The following TAOK3 variants were observed in gnomAD, a reference collection of about 807,000 sequenced individuals.
TAOK3 encodes the protein TAO kinase 3, also known as serine/threonine-protein kinase TAO3.
Under a neutral mutation model 120.4 loss-of-function variants are expected in TAOK3, and 40 were observed. That is an observed-to-expected ratio of 0.33 (90% CI 0.26 to 0.43). The LOEUF (loss-of-function observed/expected upper bound fraction) is 0.43. TAOK3 is among the 20% of genes least tolerant of loss of function. The probability of loss-of-function intolerance (pLI) is 1.00; values close to 1 mark genes in which losing one functional copy is unlikely to be tolerated. For missense variants in TAOK3, 821 were observed against 1,112.1 expected, an observed-to-expected ratio of 0.74 and a Z score of 3.72; for synonymous variants, 355 against 387.5, an observed-to-expected ratio of 0.92 and a Z score of 0.99.
chr12:118,251,528 T>C (rs375194188), intron 3 of TAOK3, among the ~76,000 whole-genome samples: 4 of 152,252 alleles, frequency 2.6e-5, no homozygotes, highest in African/African-American at 9.6e-5. Flanking sequence ...ATCATTTCTC[T>C]AGTCTATCAT....
intron 13 of TAOK3, among the ~76,000 whole-genome samples, chr12:118,196,400 T>G (rs1019042018): frequency 1.3e-5 from 2 of 152,150 alleles, no homozygotes; most frequent in African/African-American, 4.8e-5. Flanking sequence ...GGTAATCTGT[T>G]TCAGATCTGT....
chr12:118,151,305 AC>A, intron 20 of TAOK3, 147 bp from the exon 21 acceptor site: 2 of 605,750 alleles, frequency 3.3e-6, no homozygotes, highest in East Asian at 5.6e-5. Flanking sequence ...ACACACACAC[AC>A]ACACACACAC....
chr12:118,275,977 C>T (rs777281638), intron 1 of TAOK3, among the ~76,000 whole-genome samples: 3 of 151,860 alleles, frequency 2.0e-5, no homozygotes, highest in Non-Finnish European at 2.9e-5. Context: ...AGAAGGCCAG[C>T]GTGGGTAAGG....
At chr12:118,338,481 G>A (rs2044457269) in intron 1 of TAOK3, among the ~76,000 whole-genome samples, 1 of 152,102 alleles carries the variant, frequency 6.6e-6, no homozygotes, top group African/African-American at 2.4e-5. Context: ...CAGTACAAAA[G>A]GTGTTTATGA....
At chr12:118,333,530 G>C (rs1245739688) in intron 1 of TAOK3, among the ~76,000 whole-genome samples, 2 of 152,142 alleles carry the variant, frequency 1.3e-5, no homozygotes, top group African/African-American at 2.4e-5. Flanking sequence ...CATTAGGAGA[G>C]AGAAATGGCC....
chr12:118,209,821 C>T (rs1215308110), intron 11 of TAOK3, among the ~76,000 whole-genome samples: 1 of 151,630 alleles, frequency 6.6e-6, no homozygotes, highest in African/African-American at 2.4e-5. Context: ...TCAAGTGATT[C>T]TCCTCCTTGA....
intron 1 of TAOK3, among the ~76,000 whole-genome samples, chr12:118,277,807 T>TAA (rs1294832074): frequency 1.3e-5 from 2 of 152,070 alleles, no homozygotes; most frequent in Admixed American, 1.3e-4. Flanking sequence ...AACATAACAT[T>TAA]AAAAAAGTTG....
chr12:118,255,370 G>C, intron 3 of TAOK3, 78 bp downstream of exon 3: 2 of 1,516,010 alleles, frequency 1.3e-6, no homozygotes, highest in Non-Finnish European at 1.8e-6. Context: ...TAGGATTACA[G>C]GCGTGAGTCA....
chr12:118,244,104 C>T (rs948234240), intron 4 of TAOK3, among the ~76,000 whole-genome samples: 1 of 152,194 alleles, frequency 6.6e-6, no homozygotes, highest in Non-Finnish European at 1.5e-5. Context: ...TTTCAGGCAC[C>T]CAGGCTAGAG....
Position 118,371,277 on chromosome 12 carries a change from T to G in TAOK3, c.-194+1371A>C, listed in dbSNP as rs934945621. 6.6e-6 allele frequency among the ~76,000 whole-genome samples: 1 copy of G among 151,616 alleles called. No homozygotes were observed. The highest frequency in any genetic ancestry group is 2.4e-5 in the African/African-American group (1 of 41,216). On this transcript the variant is annotated intron_variant, in intron 1 of 20. Transcript: ENST00000392533. This position sits in a 1 kb window ranked among gnomAD's most constrained non-coding sequence, Gnocchi z 5.5. ...CTTGTGGAGGGGGAAGTGGGGGAGG[T>G]TTGAAGAAGCCCCTTCCAACTTTTC...
intron 3 of TAOK3, among the ~76,000 whole-genome samples, chr12:118,254,564 G>T (rs1250790600): frequency 6.6e-6 from 1 of 152,140 alleles, no homozygotes; most frequent in Non-Finnish European, 1.5e-5. Flanking sequence ...ATTGATTTAG[G>T]GGTGGAGTCT....
chr12:118,229,947 A>C (rs968717376), intron 9 of TAOK3, among the ~76,000 whole-genome samples: 4 of 152,076 alleles, frequency 2.6e-5, no homozygotes, highest in African/African-American at 9.7e-5. Context: ...AAATAATAAT[A>C]ACACTTACAT....
At chr12:118,177,658 G>C (rs975876700) in intron 15 of TAOK3, among the ~76,000 whole-genome samples, 1 of 151,740 alleles carries the variant, frequency 6.6e-6, no homozygotes, top group Non-Finnish European at 1.5e-5. Context: ...ACCCAGTCTC[G>C]ACTAAAAGTA....
chr12:118,311,939 C>G (rs2043279825), intron 1 of TAOK3, among the ~76,000 whole-genome samples: 1 of 152,086 alleles, frequency 6.6e-6, no homozygotes, highest in Non-Finnish European at 1.5e-5. Flanking sequence ...AATAAAACCA[C>G]TAATGAAATG....
chr12:118,212,984 A>C lies in TAOK3; in HGVS notation c.749T>G (p.Phe250Cys), dbSNP rs761392042. The change falls in exon 11 of 21, where the codon TTT becomes TGT. Residue 250 changes from phenylalanine to cysteine, a missense_variant. This residue lies in a region of TAOK3 where 467 missense variants were observed against 540.0 expected (regional missense o/e 0.86). Coordinates refer to ENST00000392533, the MANE Select transcript of TAOK3 (RefSeq NM_016281.4). ...TLQSNEWTDS[F>C]RRFVDYCLQK... ...CAAGCAGTAATCAACAAATCTCCTA[A>C]AGGAGTCTGTCCTGTGTGTGCAAAT... 2 of 1,611,798 alleles carry C rather than the reference A, an allele frequency of 1.2e-6. No homozygotes were observed. The highest frequency in any genetic ancestry group is 1.3e-5 in the African/African-American group (1 of 74,886).
chr12:118,319,495 C>T (rs750728875), intron 1 of TAOK3, among the ~76,000 whole-genome samples: 6 of 151,886 alleles, frequency 4.0e-5, no homozygotes, highest in Admixed American at 6.6e-5. Context: ...AAAAGACAAA[C>T]GACCCAATTT....
chr12:118,182,597 GTGTA>G (rs1383949717), intron 14 of TAOK3, among the ~76,000 whole-genome samples: 29 of 77,496 alleles, frequency 3.7e-4, no homozygotes, highest in African/African-American at 1.2e-3. Context: ...GTGTGTGTGT[GTGTA>G]TATATATATA....
intron 1 of TAOK3, among the ~76,000 whole-genome samples, chr12:118,343,658 A>G (rs975119446): frequency 6.6e-6 from 1 of 152,196 alleles, no homozygotes; most frequent in Non-Finnish European, 1.5e-5. Flanking sequence ...ATTTAAAGTC[A>G]GCAATTTAAA....
chr12:118,350,613 C>T (rs760663726), intron 1 of TAOK3, among the ~76,000 whole-genome samples: 1 of 152,008 alleles, frequency 6.6e-6, no homozygotes, highest in African/African-American at 2.4e-5. Flanking sequence ...AATCCCAGCA[C>T]TTTGGGAGGC....
Sources: gnomAD v4.1 joint callset for allele counts (sites outside exome capture counted in the v4.1 genomes callset) on GRCh38, gnomAD v4.1.1 for gene constraint, gnomAD v4.1.1 regional missense constraint, Gnocchi (gnomAD v3.1) non-coding constraint, MANE v1.5 for transcripts, NCBI Gene and HGNC (gene_info 2026-07-23, HGNC 2026-07-21) for gene names.